Variants in FAM149B1 observed in about 807,000 individuals in gnomAD.
The protein encoded by FAM149B1 is primary cilium assembly protein FAM149B1.
Under a neutral mutation model 75.3 loss-of-function variants are expected in FAM149B1, and 56 were observed. The observed-to-expected ratio is 0.74, with a 90% CI of 0.60 to 0.93. The LOEUF is 0.93. Among genes scored for constraint, FAM149B1 ranks in the 40% least tolerant of loss-of-function variants. The pLI is 0.00. For synonymous variants in FAM149B1, 259 were observed against 256.1 expected, an observed-to-expected ratio of 1.01 and a Z score of -0.11; for missense variants, 639 against 708.4, an observed-to-expected ratio of 0.90 and a Z score of 1.11.
chr10:73,225,237 C>A (rs1464502117), intron 7 of FAM149B1, among the ~76,000 whole-genome samples: 3 of 152,096 alleles, frequency 2.0e-5, no homozygotes, highest in Non-Finnish European at 4.4e-5. Context: ...GTAAAATAGC[C>A]TCAGGTAGGT....
chr10:73,218,261 G>T (rs1181795528), intron 7 of FAM149B1, among the ~76,000 whole-genome samples: 1 of 152,142 alleles, frequency 6.6e-6, no homozygotes, highest in Non-Finnish European at 1.5e-5. Context: ...GCAGTTCTTT[G>T]CTCCATTCTC....
intron 7 of FAM149B1, among the ~76,000 whole-genome samples, chr10:73,222,459 A>G (rs1342031712): frequency 6.6e-6 from 1 of 151,532 alleles, no homozygotes. Flanking sequence ...GCTTCTTCTC[A>G]TATGTGCACT....
intron 13 of FAM149B1, among the ~76,000 whole-genome samples, chr10:73,240,148 T>C (rs2043908843): frequency 6.6e-6 from 1 of 152,210 alleles, no homozygotes; most frequent in Non-Finnish European, 1.5e-5. Flanking sequence ...GATGTCTTAA[T>C]TCTTCCTGTG....
At chr10:73,178,295 C>T (rs1365219641) in intron 3 of FAM149B1, among the ~76,000 whole-genome samples, 1 of 152,114 alleles carries the variant, frequency 6.6e-6, no homozygotes, top group African/African-American at 2.4e-5. Flanking sequence ...AGTTCTAGAC[C>T]AGACTGACCA....
At chr10:73,227,032 T>TTTAAC (rs1165631322) in intron 7 of FAM149B1, among the ~76,000 whole-genome samples, 1 of 152,236 alleles carries the variant, frequency 6.6e-6, no homozygotes, top group African/African-American at 2.4e-5. Context: ...TTATAATGAT[T>TTTAAC]TTAACTTTTA....
intron 7 of FAM149B1, among the ~76,000 whole-genome samples, chr10:73,213,355 T>G (rs2043231984): frequency 1.3e-5 from 2 of 152,150 alleles, no homozygotes; most frequent in Non-Finnish European, 2.9e-5. Flanking sequence ...TCTATTTTTG[T>G]TTTTGTTGCT....
intron 8 of FAM149B1, 28 bp downstream of exon 8, chr10:73,228,212 C>A: frequency 6.5e-7 from 1 of 1,548,192 alleles, no homozygotes; most frequent in Non-Finnish European, 8.7e-7. Context: ...CAGTTGGAGA[C>A]CCCAGGGCTA....
Position 73,192,622 on chromosome 10 carries a change from G to A in FAM149B1, c.349G>A (p.Glu117Lys). 1 of 1,551,800 alleles carries A rather than the reference G, an allele frequency of 6.4e-7. No individual in the cohort carries two copies. Among genetic ancestry groups the A allele is most frequent in the African/African-American group, 1.4e-5 (1 of 73,140 alleles). ...MFTAIDELLYEQKLSVHTKSL... is the reference protein window; with the variant it reads ...MFTAIDELLYKQKLSVHTKSL... ...CACAGCCATTGATGAACTCTTGTAT[G>A]AGCAGAAGTTGAGTGTGCATACCAA... Residue 117 changes from glutamate (E) to lysine (K), a missense_variant, in exon 4 of 14, where the codon GAG becomes AAG. Physicochemically the swap from Glu to Lys is moderately conservative, Grantham distance 56 (BLOSUM62 1). Transcript: ENST00000242505.
Position 73,243,982 on chromosome 10 carries a change from C to T in FAM149B1, c.*2963C>T. The T allele has an allele frequency of 6.9e-7, 1 of 1,440,544 alleles. No homozygotes were observed. Among genetic ancestry groups the T allele is most frequent in the Non-Finnish European group, 9.7e-7 (1 of 1,035,786 alleles). 89.2% of individuals were successfully genotyped at this position (1,440,544 alleles called of 1,614,324 possible). The stretch of plus-strand genomic sequence containing the variant: ...GGGCCACCAGGAAATGCTTAAAATA[C>T]ATACTCTTTCCCAAAAGCAAATCTA... On this transcript the variant is annotated 3_prime_UTR_variant, in exon 14 of 14. Transcript: ENST00000242505.
At chr10:73,173,757 T>C (rs1843820995) in intron 1 of FAM149B1, among the ~76,000 whole-genome samples, 1 of 152,214 alleles carries the variant, frequency 6.6e-6, no homozygotes, top group South Asian at 2.1e-4. Context: ...GACATACCTT[T>C]TTCTTAAATT....
At chr10:73,218,855 T>A (rs1164453982) in intron 7 of FAM149B1, among the ~76,000 whole-genome samples, 1 of 152,156 alleles carries the variant, frequency 6.6e-6, no homozygotes, top group East Asian at 1.9e-4. Context: ...CCCCTCAATT[T>A]ATCTCTCTCA....
In FAM149B1 at chr10:73,227,883, A is replaced by C. The variant is rs142538299; in HGVS notation, c.899-177A>C. 3.6e-3 allele frequency among the ~76,000 whole-genome samples: 553 copies of C among 152,326 alleles called. 1 individual carries two copies. The highest frequency in any genetic ancestry group is 5.7e-3 in the Non-Finnish European group (388 of 68,038). The stretch of plus-strand genomic sequence containing the variant: ...ATCATCAGCCTGGGAAACCACTTTC[A>C]ACTAGTCTTGGTTTGAGGGGTTTTT... On this transcript the variant is annotated intron_variant, in intron 7 of 13. Coordinates refer to ENST00000242505, the MANE Select transcript of FAM149B1 (RefSeq NM_173348.2).
intron 7 of FAM149B1, among the ~76,000 whole-genome samples, chr10:73,213,945 C>T (rs766824148): frequency 6.6e-6 from 1 of 152,086 alleles, no homozygotes; most frequent in Non-Finnish European, 1.5e-5. Flanking sequence ...TTCTTTCAAT[C>T]CATGAGCATG....
At chr10:73,231,927 A>AAAG (rs1213665477) in intron 9 of FAM149B1, among the ~76,000 whole-genome samples, 7 of 144,716 alleles carry the variant, frequency 4.8e-5, no homozygotes, top group African/African-American at 1.5e-4. Flanking sequence ...GGGTGTGTTA[A>AAAG]AAAAAAAAAA....
At position 73,240,973 on chromosome 10, in the gene FAM149B1, C is replaced by T. The variant is rs772345938; in HGVS notation, c.1703C>T (p.Ser568Phe). Residue 568 changes from serine to phenylalanine, a missense_variant, in exon 14 of 14, where the codon TCT (serine) becomes TTT (phenylalanine). By Grantham distance (155) the Ser-to-Phe change is radical. Transcript: ENST00000242505. ...CCTCAGTTACATGGGTCTACAAAAT[C>T]TCAAAGCGGAGGCAGACCAGTCTCT... ...AGPQLHGSTKSQSGGRPVSRT... is the reference protein window; with the variant it reads ...AGPQLHGSTKFQSGGRPVSRT... 1.1e-4 allele frequency: 165 copies of T among 1,542,314 alleles called. No individual in the cohort carries two copies. The highest frequency in any genetic ancestry group is 1.4e-4 in the Non-Finnish European group (161 of 1,143,468).
chr10:73,185,762 A>C (rs2133321268), intron 3 of FAM149B1, among the ~76,000 whole-genome samples: 1 of 152,330 alleles, frequency 6.6e-6, no homozygotes, highest in East Asian at 1.9e-4. Context: ...AGAGATTCTA[A>C]GGAATAGAAG....
chr10:73,233,299 G>A, intron 10 of FAM149B1, 136 bp downstream of exon 10: 2 of 656,534 alleles, frequency 3.0e-6, no homozygotes, highest in South Asian at 3.9e-5. Flanking sequence ...ATTGCCCATG[G>A]GTTTAGATCC....
intron 7 of FAM149B1, among the ~76,000 whole-genome samples, chr10:73,210,659 T>C (rs2043166605): frequency 6.6e-6 from 1 of 151,708 alleles, no homozygotes; most frequent in African/African-American, 2.4e-5. Context: ...CCCATCTCTC[T>C]AAAAAAATTA....
chr10:73,187,512 C>T (rs943942422), intron 3 of FAM149B1, among the ~76,000 whole-genome samples: 4 of 151,708 alleles, frequency 2.6e-5, no homozygotes, highest in East Asian at 1.9e-4. Context: ...GGCGGATCAC[C>T]TGAGGTCTGG....
Sources: gnomAD v4.1 joint callset for allele counts (sites outside exome capture counted in the v4.1 genomes callset) on GRCh38, gnomAD v4.1.1 for gene constraint, MANE v1.5 for transcripts, NCBI Gene and HGNC (gene_info 2026-07-23, HGNC 2026-07-21) for gene names.